IGFL2: variants seen among roughly 807,000 people sequenced by gnomAD.
IGFL2 encodes the protein IGF like family member 2.
Under a neutral mutation model 13.9 loss-of-function variants are expected in IGFL2, and 7 were observed. The observed-to-expected ratio is 0.51, with a 90% CI of 0.29 to 0.95. IGFL2 has a LOEUF of 0.95. Among genes scored for constraint, IGFL2 ranks in the 40% least tolerant of loss-of-function variants. The probability of loss-of-function intolerance (pLI) is 0.08; values close to 1 mark genes in which losing one functional copy is unlikely to be tolerated. For missense variants in IGFL2, 138 were observed against 147.8 expected, an observed-to-expected ratio of 0.93 and a Z score of 0.34; for synonymous variants, 55 against 55.8, an observed-to-expected ratio of 0.99 and a Z score of 0.07.
chr19:46,122,044 T>C, the IGFL2 span, among the ~76,000 whole-genome samples: 1 of 151,196 alleles, frequency 6.6e-6, no homozygotes, highest in Non-Finnish European at 1.5e-5. Flanking sequence ...TGCTGTGATA[T>C]AGCTAATGTT....
the IGFL2 span, among the ~76,000 whole-genome samples, chr19:46,095,868 C>G: frequency 1.3e-5 from 2 of 152,164 alleles, no homozygotes; most frequent in African/African-American, 4.8e-5. Context: ...TTTGAGATCT[C>G]TATTCTGTTC....
chr19:46,186,420 A>G, the IGFL2 span, among the ~76,000 whole-genome samples: 1 of 152,222 alleles, frequency 6.6e-6, no homozygotes, highest in Non-Finnish European at 1.5e-5. Context: ...GGACCCTGGC[A>G]GCGGTGGCAG....
the IGFL2 span, among the ~76,000 whole-genome samples, chr19:46,188,386 AGCC>A: frequency 2.6e-5 from 4 of 152,180 alleles, no homozygotes; most frequent in Non-Finnish European, 5.9e-5. Flanking sequence ...GTCCATCCCC[AGCC>A]ACCGTGACGC....
chr19:46,114,622 TAGTG>T, the IGFL2 span, among the ~76,000 whole-genome samples: 4 of 152,156 alleles, frequency 2.6e-5, no homozygotes, highest in African/African-American at 4.8e-5. Flanking sequence ...TTTCTCGTGA[TAGTG>T]AGTGAGTTCT....
chr19:46,130,745 T>G, the IGFL2 span, among the ~76,000 whole-genome samples: 1 of 152,192 alleles, frequency 6.6e-6, no homozygotes, highest in Non-Finnish European at 1.5e-5. Context: ...GTATAGTTCC[T>G]TTTCTGTAAA....
At chr19:46,124,515 C>T in the IGFL2 span, 1 of 1,223,592 alleles carries the variant, frequency 8.2e-7, no homozygotes, top group Middle Eastern at 1.9e-4. Context: ...ACTAGTAGGG[C>T]ACAGGAGGCT....
the IGFL2 span, among the ~76,000 whole-genome samples, chr19:46,116,883 C>T: frequency 6.6e-6 from 1 of 151,998 alleles, no homozygotes; most frequent in Non-Finnish European, 1.5e-5. Flanking sequence ...TTTTCACACT[C>T]GAATTTAACT....
the IGFL2 span, among the ~76,000 whole-genome samples, chr19:46,193,337 T>C: frequency 6.6e-6 from 1 of 152,220 alleles, no homozygotes; most frequent in Non-Finnish European, 1.5e-5. Flanking sequence ...ATTGACACTG[T>C]AGATGCTACC....
the IGFL2 span, among the ~76,000 whole-genome samples, chr19:46,104,024 G>T: frequency 6.6e-6 from 1 of 152,128 alleles, no homozygotes; most frequent in East Asian, 1.9e-4. Flanking sequence ...AGAGTTTGAA[G>T]GGTCAGATTT....
chr19:46,090,381 C>T, the IGFL2 span, among the ~76,000 whole-genome samples: 1 of 152,182 alleles, frequency 6.6e-6, no homozygotes, highest in African/African-American at 2.4e-5. Flanking sequence ...GTCACTGGTG[C>T]TTTATTTTGT....
the IGFL2 span, among the ~76,000 whole-genome samples, chr19:46,112,687 C>T: frequency 6.6e-6 from 1 of 152,182 alleles, no homozygotes; most frequent in African/African-American, 2.4e-5. Context: ...TTTCTAATAG[C>T]TTAAGCCTGC....
chr19:46,152,327 C>T (rs1267731016), intron 1 of IGFL2, among the ~76,000 whole-genome samples: 2 of 149,194 alleles, frequency 1.3e-5, no homozygotes, highest in East Asian at 2.0e-4. Flanking sequence ...TGCAGGGTGG[C>T]GTGCAGTGGT....
the IGFL2 span, among the ~76,000 whole-genome samples, chr19:46,100,252 G>A: frequency 6.6e-6 from 1 of 152,222 alleles, no homozygotes; most frequent in African/African-American, 2.4e-5. Flanking sequence ...ATCTATATGA[G>A]TTTGTCTAGT....
At chr19:46,099,974 G>C in the IGFL2 span, among the ~76,000 whole-genome samples, 1 of 151,990 alleles carries the variant, frequency 6.6e-6, no homozygotes, top group African/African-American at 2.4e-5. Context: ...AGCTCCATCG[G>C]GTCATTTATG....
chr19:46,105,449 T>C, the IGFL2 span, among the ~76,000 whole-genome samples: 1 of 152,018 alleles, frequency 6.6e-6, no homozygotes, highest in South Asian at 2.1e-4. Context: ...AAACCAAGTG[T>C]GATCAGGGTG....
At chr19:46,102,812 G>A in the IGFL2 span, among the ~76,000 whole-genome samples, 84 of 152,258 alleles carry the variant, frequency 5.5e-4, no homozygotes, top group East Asian at 0.014. Context: ...AAGTGTTGGG[G>A]CGGCAAAATA....
the IGFL2 span, among the ~76,000 whole-genome samples, chr19:46,098,561 T>A: frequency 6.7e-6 from 1 of 150,236 alleles, no homozygotes; most frequent in Admixed American, 6.7e-5. Context: ...CTCACTGCAC[T>A]TCTGCCTCTT....
chr19:46,181,821 C>T, the IGFL2 span, among the ~76,000 whole-genome samples: 6 of 152,152 alleles, frequency 3.9e-5, no homozygotes, highest in Non-Finnish European at 8.8e-5. Flanking sequence ...TGGTTGTTCT[C>T]AGTATATTTG....
chr19:46,205,272 C>T, the IGFL2 span, among the ~76,000 whole-genome samples: 2 of 152,172 alleles, frequency 1.3e-5, no homozygotes, highest in Non-Finnish European at 2.9e-5. Flanking sequence ...CATAGAAAGG[C>T]AGGCTAGAAG....
Sources: allele counts gnomAD v4.1 joint callset (sites outside exome capture counted in the v4.1 genomes callset), GRCh38; gene constraint gnomAD v4.1.1; transcripts MANE v1.5; gene names NCBI Gene and HGNC (gene_info 2026-07-23, HGNC 2026-07-21).